Variants in AFG2A observed in about 807,000 individuals in gnomAD.
The protein encoded by AFG2A is AAA ATPase AFG2A.
chr4:123,212,457 G>A, the AFG2A span, among the ~76,000 whole-genome samples: 1 of 152,030 alleles, frequency 6.6e-6, no homozygotes, highest in Non-Finnish European at 1.5e-5. Context: ...ATTTGTTTAA[G>A]CTACCCTCAA....
At chr4:122,927,011 G>T in the AFG2A span, among the ~76,000 whole-genome samples, 1 of 152,126 alleles carries the variant, frequency 6.6e-6, no homozygotes, top group Non-Finnish European at 1.5e-5. Context: ...TATGGAGCTT[G>T]GTGGGGGTGG....
the AFG2A span, among the ~76,000 whole-genome samples, chr4:123,199,138 G>A: frequency 1.6e-3 from 249 of 152,244 alleles, no homozygotes; most frequent in African/African-American, 5.7e-3. Flanking sequence ...CCACATCAGA[G>A]CTACTCCTTG....
chr4:122,933,379 C>G, the AFG2A span: 1 of 1,314,126 alleles, frequency 7.6e-7, no homozygotes. Flanking sequence ...AATTTTACAT[C>G]ACAGTTTAGT....
chr4:123,170,489 G>GTCTCCT, the AFG2A span, among the ~76,000 whole-genome samples: 2 of 152,104 alleles, frequency 1.3e-5, no homozygotes, highest in Non-Finnish European at 2.9e-5. Context: ...CATTCATTTT[G>GTCTCCT]TCTCCTGGTT....
At chr4:123,108,791 T>C in the AFG2A span, among the ~76,000 whole-genome samples, 10 of 152,306 alleles carry the variant, frequency 6.6e-5, no homozygotes, top group Non-Finnish European at 1.0e-4. Context: ...AAATTATATT[T>C]TTATGAATGT....
chr4:123,276,105 A>G, the AFG2A span, among the ~76,000 whole-genome samples: 1 of 152,198 alleles, frequency 6.6e-6, no homozygotes, highest in Admixed American at 6.5e-5. Flanking sequence ...TCCCACCAGT[A>G]GTGTATAATC....
the AFG2A span, among the ~76,000 whole-genome samples, chr4:123,034,166 A>G: frequency 1.3e-5 from 2 of 152,180 alleles, no homozygotes; most frequent in Admixed American, 1.3e-4. Flanking sequence ...TTTGTGGTAT[A>G]TGGAAACTCC....
At chr4:123,228,354 G>T in the AFG2A span, among the ~76,000 whole-genome samples, 3 of 151,806 alleles carry the variant, frequency 2.0e-5, no homozygotes, top group Non-Finnish European at 4.4e-5. Context: ...GCAGTGGCTG[G>T]TACCGGTTGT....
chr4:123,025,243 G>C, the AFG2A span, among the ~76,000 whole-genome samples: 2 of 152,092 alleles, frequency 1.3e-5, no homozygotes, highest in African/African-American at 4.8e-5. Context: ...TGTTGTCTCT[G>C]ATTACAAGGA....
At chr4:122,965,802 AT>A in the AFG2A span, among the ~76,000 whole-genome samples, 1 of 152,176 alleles carries the variant, frequency 6.6e-6, no homozygotes, top group Admixed American at 6.5e-5. Flanking sequence ...AAATATATGT[AT>A]TTTTAAAAAT....
chr4:123,001,822 G>A, the AFG2A span, among the ~76,000 whole-genome samples: 2,997 of 151,074 alleles, frequency 0.02, 91 homozygotes, highest in African/African-American at 0.068. Flanking sequence ...TATTAGGTCT[G>A]CTTGGTGCAG....
chr4:123,230,469 T>G, the AFG2A span, among the ~76,000 whole-genome samples: 2 of 151,844 alleles, frequency 1.3e-5, no homozygotes, highest in Non-Finnish European at 2.9e-5. Flanking sequence ...CTAGTTCTAT[T>G]CCTATTTTCA....
the AFG2A span, among the ~76,000 whole-genome samples, chr4:122,965,994 G>C: frequency 6.6e-6 from 1 of 152,146 alleles, no homozygotes; most frequent in African/African-American, 2.4e-5. Flanking sequence ...CTTATTTAAA[G>C]TTGTGCCTGA....
chr4:122,935,788 G>A, the AFG2A span: 1 of 1,613,212 alleles, frequency 6.2e-7, no homozygotes, highest in Admixed American at 1.7e-5. Context: ...CAGGGCTGTT[G>A]CTAATGAAGT....
chr4:123,204,458 T>C, the AFG2A span, among the ~76,000 whole-genome samples: 1 of 152,230 alleles, frequency 6.6e-6, no homozygotes, highest in Non-Finnish European at 1.5e-5. Context: ...TAATGGTTAA[T>C]GATGTTGAAC....
the AFG2A span, among the ~76,000 whole-genome samples, chr4:122,989,196 T>A: frequency 2.0e-5 from 3 of 152,222 alleles, no homozygotes; most frequent in Non-Finnish European, 4.4e-5. Flanking sequence ...TGTGTTATTG[T>A]CTGTGCATGT....
the AFG2A span, among the ~76,000 whole-genome samples, chr4:123,226,138 A>G: frequency 6.6e-6 from 1 of 152,226 alleles, no homozygotes; most frequent in Non-Finnish European, 1.5e-5. Context: ...TTCTAGATAT[A>G]CAGTCATGTC....
chr4:122,968,968 T>C, the AFG2A span, among the ~76,000 whole-genome samples: 3 of 152,276 alleles, frequency 2.0e-5, no homozygotes, highest in East Asian at 5.8e-4. Flanking sequence ...AGGGTTACTT[T>C]TTAAAAATAT....
the AFG2A span, among the ~76,000 whole-genome samples, chr4:123,218,678 TAC>T: frequency 6.6e-6 from 1 of 151,142 alleles, no homozygotes; most frequent in East Asian, 1.9e-4. Context: ...CATACATACA[TAC>T]ATACATACAT....
Sources: allele counts gnomAD v4.1 joint callset (sites outside exome capture counted in the v4.1 genomes callset), GRCh38; gene constraint gnomAD v4.1.1; transcripts MANE v1.5; gene names NCBI Gene and HGNC (gene_info 2026-07-23, HGNC 2026-07-21).